Variants in PPP6R2 observed in about 807,000 individuals in gnomAD.
PPP6R2 encodes the protein protein phosphatase 6 regulatory subunit 2.
Under a neutral mutation model 100.2 loss-of-function variants are expected in PPP6R2, and 62 were observed. The observed-to-expected ratio is 0.62, with a 90% CI of 0.50 to 0.76. The LOEUF is 0.76. Ranked by LOEUF, PPP6R2 falls within the 30% of genes least tolerant of loss-of-function variation. The pLI is 0.00. For missense variants in PPP6R2, 1,142 were observed against 1,276.3 expected, an observed-to-expected ratio of 0.89 and a Z score of 1.60; for synonymous variants, 525 against 514.7, an observed-to-expected ratio of 1.02 and a Z score of -0.27.
intron 14 of PPP6R2, among the ~76,000 whole-genome samples, chr22:50,436,785 T>C (rs969486725): frequency 1.3e-5 from 2 of 152,194 alleles, no homozygotes; most frequent in African/African-American, 4.8e-5. Context: ...CCCCTGCACA[T>C]GGAGGTCGGG....
At chr22:50,429,611 C>T (rs1271244227) in intron 10 of PPP6R2, among the ~76,000 whole-genome samples, 2 of 152,118 alleles carry the variant, frequency 1.3e-5, no homozygotes, top group Admixed American at 6.5e-5. Context: ...TAATTCTGTC[C>T]TCACAGAATG....
chr22:50,358,299 T>C (rs997927145), intron 1 of PPP6R2, among the ~76,000 whole-genome samples: 2 of 152,202 alleles, frequency 1.3e-5, no homozygotes, highest in Non-Finnish European at 2.9e-5. Context: ...TTGTTAATGG[T>C]ATCTTTTGAT....
rs756835860 is a variant in PPP6R2 at position 50,436,995 on chromosome 22, C to T, written c.1610C>T (p.Thr537Ile). The change falls in exon 15 of 24, where the codon ACT becomes ATT. Residue 537 changes from threonine to isoleucine, a missense_variant. By Grantham distance (89) the Thr-to-Ile change is moderately conservative (BLOSUM62 -1). Transcript: ENST00000612753. ...ATCTGGCCTGTGTTTTAGGTGAGCA[C>T]TCACCACCTTCACTCCTCAAGTGAG... Reference protein sequence around the residue: ...NRRNTVDLVSTHHLHSSSEDE... With the variant: ...NRRNTVDLVSIHHLHSSSEDE... 3 of 1,556,588 alleles carry T rather than the reference C, an allele frequency of 1.9e-6. No individual in the cohort carries two copies. The highest frequency in any genetic ancestry group is 2.6e-6 in the Non-Finnish European group (3 of 1,150,168).
At position 50,444,455 on chromosome 22, in the gene PPP6R2, T is replaced by TCCA; in HGVS notation, c.*208_*209insCCA. 1 of 505,870 alleles carries TCCA rather than the reference T, an allele frequency of 2.0e-6. No homozygotes were observed. Among genetic ancestry groups the TCCA allele is most frequent in the Non-Finnish European group, 3.2e-6 (1 of 307,726 alleles). 31.3% of individuals were successfully genotyped at this position (505,870 alleles called of 1,614,324 possible). Reference sequence around the variant, plus strand: ...GCCTCTCAGGTCACTCGTGCCCTGCTGGAGGACAGAGGGGCACCTCAGCCG... The same window carrying TCCA: ...GCCTCTCAGGTCACTCGTGCCCTGCTCCAGGAGGACAGAGGGGCACCTCAGCCG... On this transcript the variant is annotated 3_prime_UTR_variant, in exon 24 of 24. Transcript: ENST00000612753.
At chr22:50,436,845 C>T (rs1360102719) in intron 14 of PPP6R2, 143 bp from the exon 15 acceptor site, 1 of 721,536 alleles carries the variant, frequency 1.4e-6, no homozygotes. Flanking sequence ...ACAGCACGGC[C>T]TCCTGGGCCC....
intron 2 of PPP6R2, chr22:50,393,406 A>G (rs921815311): frequency 1.4e-5 from 14 of 985,166 alleles, no homozygotes; most frequent in African/African-American, 1.7e-5. Context: ...CAGAGGGGAG[A>G]TGTCCAGTGT....
chr22:50,384,839 C>G (rs747201261), intron 2 of PPP6R2, among the ~76,000 whole-genome samples: 11 of 152,174 alleles, frequency 7.2e-5, no homozygotes, highest in Non-Finnish European at 1.3e-4. Context: ...CTCCTGGGCT[C>G]AAGCGATCCT....
intron 2 of PPP6R2, 78 bp from the exon 3 acceptor site, chr22:50,393,815 C>T: frequency 6.3e-7 from 1 of 1,580,828 alleles, no homozygotes; most frequent in East Asian, 2.2e-5. Context: ...AGAAATGACC[C>T]CTTTGGACTT....
At chr22:50,443,712 A>T (rs1006114337) in intron 22 of PPP6R2, 154 bp from the exon 23 acceptor site, 4 of 1,124,924 alleles carry the variant, frequency 3.6e-6, no homozygotes, top group Non-Finnish European at 4.9e-6. Context: ...GCTGGGCACA[A>T]CCTGGGCCAC....
Position 50,435,042 on chromosome 22 carries a change from C to T in PPP6R2, c.1477C>T (p.Arg493Trp), listed in dbSNP as rs540556900. 13 of 1,596,928 alleles carry T rather than the reference C, an allele frequency of 8.1e-6. No homozygotes were observed. Among genetic ancestry groups the T allele is most frequent in the Middle Eastern group, 1.8e-4 (1 of 5,408 alleles). Residue 493 changes from arginine to tryptophan, a missense_variant, in exon 13 of 24, where the codon CGG (arginine) becomes TGG (tryptophan). By Grantham distance (101) the Arg-to-Trp change is moderately radical (BLOSUM62 -3). Around this residue, in one of 2 missense-constraint regions of PPP6R2, gnomAD observed 592 missense variants for 758.9 expected, o/e 0.78. Transcript: ENST00000612753. ...CAACGCGGTGGTGCAGAACCTGGAG[C>T]GGGGCCCTGTGCAGACGCACATCAG... ...IANAVVQNLERGPVQTHISEV... is the reference protein window; with the variant it reads ...IANAVVQNLEWGPVQTHISEV...
chr22:50,333,013 T>A, the PPP6R2 span, among the ~76,000 whole-genome samples: 1 of 152,118 alleles, frequency 6.6e-6, no homozygotes, highest in Admixed American at 6.6e-5. Flanking sequence ...AGGAGCGAGG[T>A]GTGGTGGTTC....
chr22:50,355,475 C>G (rs543699126), intron 1 of PPP6R2, among the ~76,000 whole-genome samples: 1 of 150,992 alleles, frequency 6.6e-6, no homozygotes, highest in African/African-American at 2.4e-5. Flanking sequence ...ATCGGCCGCC[C>G]GCCTTGGCCT....
In PPP6R2 at chr22:50,437,842, G is replaced by A. The variant is rs774145711; in HGVS notation, c.1782-1G>A. Reference sequence around the variant, plus strand: ...TGAAGCCATCCCCCTTGCTCTTGCAGTGCCCCGTTTGACAGGATCGCAGAG... The same window carrying A: ...TGAAGCCATCCCCCTTGCTCTTGCAATGCCCCGTTTGACAGGATCGCAGAG... On this transcript the variant is annotated splice_acceptor_variant, in intron 16 of 23. Coordinates refer to ENST00000612753, the MANE Select transcript of PPP6R2 (RefSeq NM_001242898.2). LOFTEE classifies it high-confidence loss of function. 1 of 1,552,618 alleles carries A rather than the reference G, an allele frequency of 6.4e-7. No individual in the cohort carries two copies. Among genetic ancestry groups the A allele is most frequent in the South Asian group, 1.2e-5 (1 of 84,270 alleles).
At chr22:50,416,334 CT>C (rs964316750) in intron 6 of PPP6R2, among the ~76,000 whole-genome samples, 177 bp downstream of exon 6, 50 of 140,406 alleles carry the variant, frequency 3.6e-4, no homozygotes, top group African/African-American at 5.9e-4. Flanking sequence ...TTTTTTTTTT[CT>C]TTTTTTTTTT....
At chr22:50,427,279 G>A (rs1437035917) in intron 10 of PPP6R2, among the ~76,000 whole-genome samples, 1 of 151,906 alleles carries the variant, frequency 6.6e-6, no homozygotes, top group Non-Finnish European at 1.5e-5. Flanking sequence ...CTGTCCTTAT[G>A]CCAGTGTCGC....
intron 1 of PPP6R2, among the ~76,000 whole-genome samples, chr22:50,356,514 C>T (rs1300720196): frequency 6.6e-6 from 1 of 151,906 alleles, no homozygotes; most frequent in East Asian, 1.9e-4. Context: ...GCCACGTTGG[C>T]CAGGCTGGTG....
At chr22:50,335,484 C>T in the PPP6R2 span, among the ~76,000 whole-genome samples, 9 of 150,392 alleles carry the variant, frequency 6.0e-5, no homozygotes, top group South Asian at 2.1e-4. Flanking sequence ...TGACAGCCAC[C>T]GCATCTGGCC....
Position 50,443,896 on chromosome 22 carries a change from C to T in PPP6R2, c.2610C>T (p.Ser870=), listed in dbSNP as rs2066458584. 6.9e-6 allele frequency: 11 copies of T among 1,587,418 alleles called. No individual in the cohort carries two copies. The highest frequency in any genetic ancestry group is 9.4e-6 in the Non-Finnish European group (11 of 1,167,152). ...RVGCADSRLL[S]PACPAPKEVT... The stretch of plus-strand genomic sequence containing the variant: ...GGTGTGCTGACAGCCGGCTGTTAAG[C>T]CCTGCCTGCCCCGCGCCAAAGGAAG... Residue 870 remains serine, a synonymous_variant, in exon 23 of 24, where the codon AGC becomes AGT. Coordinates refer to ENST00000612753, the MANE Select transcript of PPP6R2 (RefSeq NM_001242898.2).
In PPP6R2 at chr22:50,357,386, C is replaced by T. The variant is rs184433591; in HGVS notation, c.-148+13836C>T. On this transcript the variant is annotated intron_variant, in intron 1 of 23. Transcript: ENST00000612753. ...TGCTTATTTTCTCTTTCTCTTTCATCTCTTTCCCTCCCTCTCTCCATCCCT... is the reference window on the plus strand; with the variant it reads ...TGCTTATTTTCTCTTTCTCTTTCATTTCTTTCCCTCCCTCTCTCCATCCCT... Among the ~76,000 whole-genome samples the T allele has an allele frequency of 2.0e-5, 3 of 151,436 alleles. No individual in the cohort carries two copies. The East Asian group carries it at 5.8e-4, about 29-fold the overall frequency.
Sources: allele counts gnomAD v4.1 joint callset (sites outside exome capture counted in the v4.1 genomes callset), GRCh38; gene constraint gnomAD v4.1.1; regional missense constraint gnomAD v4.1.1; transcripts MANE v1.5; gene names NCBI Gene and HGNC (gene_info 2026-07-23, HGNC 2026-07-21).